Variants in SORCS3 observed in about 807,000 individuals in gnomAD.
SORCS3 encodes VPS10 domain-containing receptor SorCS3.
A neutral mutation model predicts 146.3 loss-of-function variants in SORCS3; 57 were observed. The observed-to-expected ratio is 0.39, with a 90% CI of 0.31 to 0.49. SORCS3 has a LOEUF of 0.49. Ranked by LOEUF, SORCS3 falls within the 20% of genes least tolerant of loss-of-function variation. The pLI is 0.92. For missense variants in SORCS3, 1,341 were observed against 1,575.5 expected (o/e 0.85, Z 2.52); for synonymous variants, 653 against 618.5 (o/e 1.06, Z -0.83).
intron 5 of SORCS3, among the ~76,000 whole-genome samples, chr10:105,061,820 G>A (rs1723125027): frequency 6.6e-6 from 1 of 152,124 alleles, no homozygotes. Context: ...CTTCAGAAAT[G>A]TCCAGCCTTG....
At chr10:104,789,675 T>C (rs2017474641) in intron 1 of SORCS3, among the ~76,000 whole-genome samples, 1 of 152,160 alleles carries the variant, frequency 6.6e-6, no homozygotes, top group Admixed American at 6.5e-5. Context: ...AATGAATGGA[T>C]GCAATGGATG....
At chr10:104,919,370 T>TC (rs2019063948) in intron 3 of SORCS3, among the ~76,000 whole-genome samples, 1 of 151,964 alleles carries the variant, frequency 6.6e-6, no homozygotes, top group South Asian at 2.1e-4. Context: ...GGCATGGATT[T>TC]TTTTTTTTTA....
At chr10:104,863,780 T>C (rs2133562695) in intron 2 of SORCS3, among the ~76,000 whole-genome samples, 1 of 152,292 alleles carries the variant, frequency 6.6e-6, no homozygotes. Flanking sequence ...TGTTTTCTGC[T>C]CTGTAGCATA....
At chr10:104,670,803 G>T (rs189082762) in intron 1 of SORCS3, among the ~76,000 whole-genome samples, 1 of 152,094 alleles carries the variant, frequency 6.6e-6, no homozygotes, top group Non-Finnish European at 1.5e-5. Flanking sequence ...TAAGTCTCTC[G>T]TTCATGAACA....
chr10:105,244,587 A>G (rs566934018), intron 20 of SORCS3, among the ~76,000 whole-genome samples: 1 of 152,202 alleles, frequency 6.6e-6, no homozygotes, highest in East Asian at 1.9e-4. Flanking sequence ...AGAACTTCCT[A>G]TATGTTATGA....
Position 104,964,139 on chromosome 10 carries a change from A to G in SORCS3, c.796-13196A>G, listed in dbSNP as rs547088789. 1.1e-3 allele frequency among the ~76,000 whole-genome samples: 165 copies of G among 152,276 alleles called. 2 individuals are homozygous for G. Among genetic ancestry groups the G allele is most frequent in the Middle Eastern group, 3.4e-3 (1 of 294 alleles). On this transcript the variant is annotated intron_variant, in intron 3 of 26. Coordinates refer to ENST00000369701, the MANE Select transcript of SORCS3 (RefSeq NM_014978.3). Reference sequence around the variant, plus strand: ...TGGTAGCCAGAGTGAGAGGATTAAAAAACAAGCCCTAGACTATCACAGCCA... The same window carrying G: ...TGGTAGCCAGAGTGAGAGGATTAAAGAACAAGCCCTAGACTATCACAGCCA...
chr10:104,813,929 C>CTTTTTTTT (rs35625517), intron 1 of SORCS3, among the ~76,000 whole-genome samples: 2 of 116,156 alleles, frequency 1.7e-5, no homozygotes, highest in African/African-American at 3.0e-5. Context: ...TCTTTTCTTT[C>CTTTTTTTT]TTTTTTTTTT....
intron 8 of SORCS3, 25 bp downstream of exon 8, chr10:105,139,511 C>T: frequency 6.3e-7 from 1 of 1,580,522 alleles, no homozygotes. Context: ...ACTAGCGGTC[C>T]TGGGTCCCTC....
intron 1 of SORCS3, among the ~76,000 whole-genome samples, chr10:104,820,188 A>G (rs2017856966): frequency 6.6e-6 from 1 of 152,186 alleles, no homozygotes; most frequent in African/African-American, 2.4e-5. Context: ...GGGTAAGAAT[A>G]TATTAGGTGC....
intron 3 of SORCS3, among the ~76,000 whole-genome samples, chr10:104,966,617 T>C (rs551908792): frequency 2.6e-5 from 4 of 152,278 alleles, no homozygotes; most frequent in Non-Finnish European, 4.4e-5. Flanking sequence ...CTGAGAAACG[T>C]TTAGCTTTCA....
At chr10:104,684,785 T>G (rs1442356964) in intron 1 of SORCS3, among the ~76,000 whole-genome samples, 3 of 3,196 alleles carry the variant, frequency 9.4e-4, no homozygotes, top group East Asian at 9.1e-3. Context: ...CAGTGTTTTT[T>G]TTTTTTTTTT....
At chr10:105,147,952 CTAGTAAAA>C (rs1252953108) in intron 9 of SORCS3, among the ~76,000 whole-genome samples, 156 bp downstream of exon 9, 6 of 151,864 alleles carry the variant, frequency 4.0e-5, no homozygotes, top group Non-Finnish European at 8.8e-5. Flanking sequence ...TGCCTCAATT[CTAGTAAAA>C]TAGAGATAAA....
chr10:105,207,278 A>ATTG (rs2056608082), intron 16 of SORCS3, among the ~76,000 whole-genome samples: 1 of 148,150 alleles, frequency 6.7e-6, no homozygotes, highest in Admixed American at 6.7e-5. Flanking sequence ...GAGGTTTATT[A>ATTG]TTATTATTAT....
At chr10:104,701,907 T>C (rs1272163889) in intron 1 of SORCS3, among the ~76,000 whole-genome samples, 9 of 152,184 alleles carry the variant, frequency 5.9e-5, no homozygotes, top group African/African-American at 2.2e-4. Flanking sequence ...GATGCTCATG[T>C]TGTTATTATG....
At chr10:105,156,183 A>G (rs966847216) in intron 9 of SORCS3, among the ~76,000 whole-genome samples, 2 of 152,218 alleles carry the variant, frequency 1.3e-5, no homozygotes, top group Non-Finnish European at 2.9e-5. Context: ...TTGTTTATAT[A>G]TATTTAAACT....
chr10:105,226,764 A>G (rs1169084517), intron 20 of SORCS3, among the ~76,000 whole-genome samples: 4 of 150,436 alleles, frequency 2.7e-5, no homozygotes, highest in African/African-American at 4.9e-5. Context: ...CAGGCTTTCT[A>G]TTTCTTCCTG....
rs537266574 is a variant in SORCS3, at chr10:104,776,034, C to G, written c.628-66758C>G. On this transcript the variant is annotated intron_variant, in intron 1 of 26. Coordinates refer to ENST00000369701, the MANE Select transcript of SORCS3 (RefSeq NM_014978.3). Reference sequence around the variant, plus strand: ...AGAAGTGAATGAACCTGGTATTTGCCTCTGGAAGATTCCAGTGTGACTGGG... The same window carrying G: ...AGAAGTGAATGAACCTGGTATTTGCGTCTGGAAGATTCCAGTGTGACTGGG... 3.7e-4 allele frequency among the ~76,000 whole-genome samples: 57 copies of G among 152,210 alleles called. 1 individual carries two copies. Among genetic ancestry groups the G allele is most frequent in the African/African-American group, 1.4e-3 (57 of 41,530 alleles).
chr10:104,759,118 C>G (rs1452325554), intron 1 of SORCS3, among the ~76,000 whole-genome samples: 2 of 152,152 alleles, frequency 1.3e-5, no homozygotes, highest in East Asian at 3.9e-4. Context: ...AATTTGGACA[C>G]AGACACATAT....
At chr10:104,938,923 G>T (rs898969952) in intron 3 of SORCS3, among the ~76,000 whole-genome samples, 1 of 152,228 alleles carries the variant, frequency 6.6e-6, no homozygotes, top group Non-Finnish European at 1.5e-5. Flanking sequence ...GACGAGGCCT[G>T]TGGAGGGCTA....
Sources: gnomAD v4.1 joint callset for allele counts (sites outside exome capture counted in the v4.1 genomes callset) on GRCh38, gnomAD v4.1.1 for gene constraint, MANE v1.5 for transcripts, NCBI Gene and HGNC (gene_info 2026-07-23, HGNC 2026-07-21) for gene names.